OLFML2B: variants seen among roughly 807,000 people sequenced by gnomAD.
OLFML2B encodes olfactomedin like 2B.
OLFML2B carries 57 observed loss-of-function variants against 74.9 expected under a neutral mutation model. The ratio of observed to expected loss-of-function variants is 0.76; its 90% CI spans 0.61 to 0.95. OLFML2B has a LOEUF of 0.95. Among genes scored for constraint, OLFML2B ranks in the 40% least tolerant of loss-of-function variants. The pLI, the probability that OLFML2B is intolerant of heterozygous loss-of-function variation, is 0.00. For missense variants in OLFML2B, 986 were observed against 970.6 expected (o/e 1.02, Z -0.21); for synonymous variants, 388 against 405.8 (o/e 0.96, Z 0.53).
chr1:161,997,061 G>A (rs1426542177), intron 6 of OLFML2B, among the ~76,000 whole-genome samples: 1 of 152,178 alleles, frequency 6.6e-6, no homozygotes, highest in East Asian at 1.9e-4. Context: ...GGAGGCTGAG[G>A]CAGGAGAATG....
At chr1:162,021,531 A>G (rs1690703455) in intron 1 of OLFML2B, among the ~76,000 whole-genome samples, 1 of 152,212 alleles carries the variant, frequency 6.6e-6, no homozygotes, top group Admixed American at 6.5e-5. Context: ...GTGGGCAAGC[A>G]TTGAGCTTGT....
chr1:162,004,077 A>G (rs1327897235), intron 4 of OLFML2B, among the ~76,000 whole-genome samples: 1 of 152,220 alleles, frequency 6.6e-6, no homozygotes, highest in Non-Finnish European at 1.5e-5. Flanking sequence ...AACATACCAC[A>G]TAATGTGTCA....
chr1:161,992,733 G>A lies in OLFML2B; in HGVS notation c.1474+5092C>T, dbSNP rs564963860. On this transcript the variant is annotated intron_variant, in intron 6 of 7. Coordinates refer to ENST00000294794, the MANE Select transcript of OLFML2B (RefSeq NM_015441.3). ...TTGGGGGAGCAGCAGATCACACACA[G>A]CATTTATGGATTGAGTTCACTGCTT... Among the ~76,000 whole-genome samples, 3 of 152,330 alleles carry A rather than the reference G, an allele frequency of 2.0e-5. No homozygotes were observed. The South Asian group carries it at 6.2e-4, about 32-fold the overall frequency.
At position 162,022,732 on chromosome 1, in the gene OLFML2B, C is replaced by T. The variant is rs567671797; in HGVS notation, c.174+525G>A. The stretch of plus-strand genomic sequence containing the variant: ...CTGCCTGCATCTGCATTCCCACTCT[C>T]CCCTCCCAGTACACTCCGTCATGTT... On this transcript the variant is annotated intron_variant, in intron 1 of 7. Coordinates refer to ENST00000294794, the MANE Select transcript of OLFML2B (RefSeq NM_015441.3). 1.6e-4 allele frequency among the ~76,000 whole-genome samples: 25 copies of T among 152,214 alleles called. No individual in the cohort carries two copies. The South Asian group carries it at 5.2e-3, about 32-fold the overall frequency.
chr1:162,011,992 T>C (rs538515667), intron 3 of OLFML2B, among the ~76,000 whole-genome samples: 2 of 152,260 alleles, frequency 1.3e-5, no homozygotes, highest in South Asian at 4.1e-4. Flanking sequence ...CTGGGAGAGG[T>C]AATATATTGG....
chr1:161,984,843 T>C lies in OLFML2B; in HGVS notation c.1612A>G (p.Thr538Ala), dbSNP rs776291655. 23 of 1,613,484 alleles carry C rather than the reference T, an allele frequency of 1.4e-5. No individual in the cohort carries two copies. The African/African-American group carries it at 2.9e-4, about 21-fold the overall frequency. The change falls in exon 7 of 8, where the codon ACC becomes GCC. Residue 538 changes from threonine (T) to alanine (A), a missense_variant. Coordinates refer to ENST00000294794, the MANE Select transcript of OLFML2B (RefSeq NM_015441.3). ...IYVTNYYYGN[T>A]LVEFRNLENF... ...TCCAGGTTCCGGAACTCTACCAGGG[T>C]GTTGCCGTAGTAATAGTTGGTTACG...
At chr1:162,011,199 G>GCTGGGAGGTGCACA (rs1690370989) in intron 3 of OLFML2B, among the ~76,000 whole-genome samples, 1 of 152,164 alleles carries the variant, frequency 6.6e-6, no homozygotes, top group Non-Finnish European at 1.5e-5. Context: ...ATCTAAGGAG[G>GCTGGGAGGTGCACA]CTGCCTGGGA....
chr1:162,004,199 G>A (rs559254031), intron 4 of OLFML2B, among the ~76,000 whole-genome samples: 63 of 152,238 alleles, frequency 4.1e-4, no homozygotes, highest in African/African-American at 1.4e-3. Context: ...CAGGTGGGCT[G>A]AAATAAGAGA....
intron 3 of OLFML2B, among the ~76,000 whole-genome samples, chr1:162,009,647 G>A (rs1206997876): frequency 6.6e-6 from 1 of 152,212 alleles, no homozygotes; most frequent in Non-Finnish European, 1.5e-5. Flanking sequence ...GAATGGCAAA[G>A]CCTGCCAGCC....
chr1:162,010,598 C>T (rs1690353743), intron 3 of OLFML2B, among the ~76,000 whole-genome samples: 1 of 152,160 alleles, frequency 6.6e-6, no homozygotes, highest in South Asian at 2.1e-4. Context: ...CCTTGTCCAG[C>T]TCTTAGACAC....
chr1:162,020,027 TG>T lies in OLFML2B; in HGVS notation c.329del (p.Ser110Ter). 1 of 1,614,188 alleles carries T rather than the reference TG, an allele frequency of 6.2e-7. No homozygotes were observed. Among genetic ancestry groups the T allele is most frequent in the Non-Finnish European group, 8.5e-7 (1 of 1,180,034 alleles). On this transcript the variant is annotated frameshift_variant, in exon 2 of 8. Transcript: ENST00000294794. LOFTEE classifies it high-confidence loss of function. The stretch of plus-strand genomic sequence containing the variant: ...CACAGGCACACTTGCACGACGAGCC[TG>T]AGGTGATGGTTTCCACGGTATAGAA... Reference protein sequence around the residue: ...EDFYTVETITSGSSCKCACVA... With the variant: ...EDFYTVETITXGSSCKCACVA...
intron 1 of OLFML2B, among the ~76,000 whole-genome samples, chr1:162,021,823 G>A (rs375670174): frequency 2.6e-5 from 4 of 151,196 alleles, no homozygotes; most frequent in East Asian, 2.0e-4. Flanking sequence ...CAGGAGGCTC[G>A]GGTTTCAGGA....
intron 2 of OLFML2B, among the ~76,000 whole-genome samples, 153 bp from the exon 3 acceptor site, chr1:162,017,660 T>C (rs558598404): frequency 6.6e-6 from 1 of 152,220 alleles, no homozygotes. Flanking sequence ...TAGACAGGGA[T>C]GTAGGCAAGC....
At chr1:161,984,526 G>A (rs1689531762) in intron 7 of OLFML2B, among the ~76,000 whole-genome samples, 2 of 152,178 alleles carry the variant, frequency 1.3e-5, no homozygotes, top group African/African-American at 4.8e-5. Context: ...CATGAATGTG[G>A]TTCATAAATT....
intron 6 of OLFML2B, among the ~76,000 whole-genome samples, chr1:161,992,776 G>A (rs1689778997): frequency 6.6e-6 from 1 of 152,176 alleles, no homozygotes; most frequent in South Asian, 2.1e-4. Context: ...GTGTGGGTGG[G>A]TGATGCCCCA....
intron 6 of OLFML2B, among the ~76,000 whole-genome samples, chr1:161,992,102 A>G (rs1689758103): frequency 6.6e-6 from 1 of 152,256 alleles, no homozygotes; most frequent in African/African-American, 2.4e-5. Context: ...CACCTTCATC[A>G]ACAATCTTAG....
rs550195148 is a variant in OLFML2B, at chr1:161,999,353, AC to A, written c.949+759del. On this transcript the variant is annotated intron_variant, in intron 5 of 7. Transcript: ENST00000294794. ...AACTTGTATCCAGAATATGTAAAAA[AC>A]TACCACAAATCAATGACACAAAAAA... Among the ~76,000 whole-genome samples the A allele has an allele frequency of 3.9e-5, 6 of 152,304 alleles. No homozygotes were observed. The East Asian group carries it at 1.2e-3, about 29-fold the overall frequency.
chr1:162,018,244 C>T (rs921301781), intron 2 of OLFML2B, among the ~76,000 whole-genome samples: 4 of 152,236 alleles, frequency 2.6e-5, no homozygotes, highest in African/African-American at 9.6e-5. Context: ...CGTGAGTTTA[C>T]CTCTATAACA....
At chr1:161,996,555 T>G (rs1176339330) in intron 6 of OLFML2B, among the ~76,000 whole-genome samples, 1 of 152,254 alleles carries the variant, frequency 6.6e-6, no homozygotes, top group African/African-American at 2.4e-5. Context: ...CCAAATCTTC[T>G]GTCAAATCAA....
Sources: gnomAD v4.1 joint callset for allele counts (sites outside exome capture counted in the v4.1 genomes callset) on GRCh38, gnomAD v4.1.1 for gene constraint, MANE v1.5 for transcripts, NCBI Gene and HGNC (gene_info 2026-07-23, HGNC 2026-07-21) for gene names.